Variants in ADGRD1 observed in about 807,000 individuals in gnomAD.
ADGRD1 encodes the protein adhesion G protein-coupled receptor D1.
Under a neutral mutation model 113.4 loss-of-function variants are expected in ADGRD1, and 77 were observed. The observed-to-expected ratio is 0.68, with a 90% confidence interval of 0.57 to 0.82. The LOEUF is 0.82. Among genes scored for constraint, ADGRD1 ranks in the 40% least tolerant of loss-of-function variants. ADGRD1 has a pLI of 0.00. For synonymous variants in ADGRD1, 474 were observed against 475.0 expected (o/e 1.00, Z 0.03); for missense variants, 1,036 against 1,139.1 (o/e 0.91, Z 1.30).
At chr12:131,135,420 C>G (rs116875201) in intron 21 of ADGRD1, among the ~76,000 whole-genome samples, 86 of 152,324 alleles carry the variant, frequency 5.6e-4, no homozygotes, top group Non-Finnish European at 1.1e-3. Flanking sequence ...CAGTGCAGTT[C>G]AGCAAGCCCT....
intron 20 of ADGRD1, chr12:131,121,906 CAG>C (rs1194544099): frequency 6.6e-6 from 1 of 152,322 alleles, no homozygotes; most frequent in Non-Finnish European, 1.5e-5. Context: ...CAGAACCAAT[CAG>C]GGAAATGGGA....
intron 4 of ADGRD1, among the ~76,000 whole-genome samples, chr12:130,975,489 G>T (rs963794773): frequency 6.6e-6 from 1 of 152,162 alleles, no homozygotes; most frequent in Admixed American, 6.5e-5. Context: ...GACTCCTAGA[G>T]AAATCATTTC....
chr12:131,099,614 G>A (rs1332905417), intron 15 of ADGRD1, among the ~76,000 whole-genome samples: 3 of 152,162 alleles, frequency 2.0e-5, no homozygotes, highest in Admixed American at 6.6e-5. Flanking sequence ...CCATTGTGTG[G>A]AAGAAGAATG....
At chr12:131,062,845 C>CAAA (rs1458109664) in intron 13 of ADGRD1, among the ~76,000 whole-genome samples, 1 of 152,046 alleles carries the variant, frequency 6.6e-6, no homozygotes, top group Non-Finnish European at 1.5e-5. Context: ...AACTATTTTC[C>CAAA]AGAGTGTCTG....
intron 21 of ADGRD1, among the ~76,000 whole-genome samples, chr12:131,132,061 T>C (rs1425376751): frequency 1.3e-5 from 2 of 151,884 alleles, no homozygotes; most frequent in Non-Finnish European, 2.9e-5. Context: ...TCTACGGAGT[T>C]CTCCTAGGGA....
chr12:131,127,654 T>A (rs1356417383), intron 20 of ADGRD1, among the ~76,000 whole-genome samples: 1 of 145,446 alleles, frequency 6.9e-6, no homozygotes, highest in African/African-American at 2.6e-5. Flanking sequence ...GTTGGGTTGG[T>A]TGTTATGGGA....
chr12:131,016,892 C>A (rs932364563), intron 13 of ADGRD1, among the ~76,000 whole-genome samples: 51 of 145,108 alleles, frequency 3.5e-4, no homozygotes, highest in East Asian at 4.0e-4. Flanking sequence ...GACTCTGCCT[C>A]AAAAAAAAAA....
intron 6 of ADGRD1, chr12:130,988,000 C>T (rs981400706): frequency 1.3e-5 from 2 of 153,610 alleles, no homozygotes; most frequent in African/African-American, 4.8e-5. Context: ...TACAGTCACT[C>T]CCCGCCTTCC....
At chr12:131,047,097 G>C (rs1882918388) in intron 13 of ADGRD1, among the ~76,000 whole-genome samples, 1 of 151,774 alleles carries the variant, frequency 6.6e-6, no homozygotes. Flanking sequence ...CTCCCTCCCT[G>C]GTCACTGCTC....
At chr12:131,089,747 A>G (rs1886775937) in intron 15 of ADGRD1, among the ~76,000 whole-genome samples, 1 of 152,176 alleles carries the variant, frequency 6.6e-6, no homozygotes, top group Non-Finnish European at 1.5e-5. Context: ...AGTCCACACC[A>G]CACGAGTGAG....
At chr12:131,094,782 A>G (rs1887161330) in intron 15 of ADGRD1, among the ~76,000 whole-genome samples, 1 of 152,150 alleles carries the variant, frequency 6.6e-6, no homozygotes, top group African/African-American at 2.4e-5. Context: ...GCTCCTTACC[A>G]TTCCACCAGC....
intron 12 of ADGRD1, among the ~76,000 whole-genome samples, chr12:131,008,013 C>T (rs2136768463): frequency 6.6e-6 from 1 of 152,308 alleles, no homozygotes; most frequent in South Asian, 2.1e-4. Context: ...TTCACAGGTG[C>T]CCTCCTTATC....
In ADGRD1 at chr12:131,005,938, G is replaced by T. The variant is rs35387826; in HGVS notation, c.1256-34G>T. ...GTTTTTCCTGCCTGTGGCCTGGAGC[G>T]CTGACAGCGCCTGCCCCTCTGCTCT... On this transcript the variant is annotated intron_variant, in intron 11 of 24. Coordinates refer to ENST00000261654, the MANE Select transcript of ADGRD1 (RefSeq NM_198827.5). The T allele has an allele frequency of 1.9e-6, 3 of 1,573,028 alleles. No individual in the cohort carries two copies. The Admixed American group carries it at 5.0e-5, about 26-fold the overall frequency.
At chr12:131,002,962 G>T in intron 9 of ADGRD1, 2 of 723,766 alleles carry the variant, frequency 2.8e-6, no homozygotes, top group Non-Finnish European at 2.3e-6. Flanking sequence ...GCGATGGCTG[G>T]GGTGATGGGT....
In ADGRD1 at chr12:131,075,615, C is replaced by G. The variant is rs1172364990; in HGVS notation, c.1474-1186C>G. 1.3e-5 allele frequency among the ~76,000 whole-genome samples: 2 copies of G among 152,184 alleles called. No homozygotes were observed. Among genetic ancestry groups the G allele is most frequent in the Non-Finnish European group, 1.5e-5 (1 of 68,040 alleles). ...ATTGGGTTGAGGCTGGAGGAGCTGT[C>G]AGACAGATGCTGCGATGATAGCCCT... is the stretch of plus-strand genomic sequence containing the variant. On this transcript the variant is annotated intron_variant, in intron 13 of 24. Coordinates refer to ENST00000261654, the MANE Select transcript of ADGRD1 (RefSeq NM_198827.5). The surrounding 1 kb of genome is among the most constrained non-coding windows in gnomAD (Gnocchi z 5.3).
At chr12:131,099,289 C>T (rs543929592) in intron 15 of ADGRD1, among the ~76,000 whole-genome samples, 1 of 152,220 alleles carries the variant, frequency 6.6e-6, no homozygotes, top group African/African-American at 2.4e-5. Flanking sequence ...TTTCTCTCCC[C>T]CTCCTTCAGA....
intron 8 of ADGRD1, 63 bp downstream of exon 8, chr12:130,992,455 T>C: frequency 7.3e-7 from 1 of 1,376,840 alleles, no homozygotes; most frequent in Non-Finnish European, 1.0e-6. Context: ...GGACCATAGA[T>C]GTTTCTGTTT....
intron 19 of ADGRD1, among the ~76,000 whole-genome samples, chr12:131,118,718 T>C (rs1348111126): frequency 6.6e-6 from 1 of 152,190 alleles, no homozygotes; most frequent in Non-Finnish European, 1.5e-5. Context: ...TAGGAGTTTC[T>C]GCTTGGAAAT....
intron 13 of ADGRD1, among the ~76,000 whole-genome samples, chr12:131,049,304 G>T (rs61936933): frequency 2.0e-5 from 3 of 152,098 alleles, no homozygotes; most frequent in Admixed American, 6.5e-5. Context: ...TGAGCCCTGC[G>T]CTGTCAGGCA....
Sources: gnomAD v4.1 joint callset for allele counts (sites outside exome capture counted in the v4.1 genomes callset) on GRCh38, gnomAD v4.1.1 for gene constraint, Gnocchi (gnomAD v3.1) non-coding constraint, MANE v1.5 for transcripts, NCBI Gene and HGNC (gene_info 2026-07-23, HGNC 2026-07-21) for gene names.